Variants in PIK3R3 observed in about 807,000 individuals in gnomAD.
PIK3R3 encodes phosphatidylinositol 3-kinase regulatory subunit gamma.
A neutral mutation model predicts 62.9 loss-of-function variants in PIK3R3; 64 were observed. The observed-to-expected ratio is 1.02, with a 90% CI of 0.83 to 1.25. PIK3R3 has a LOEUF of 1.25. PIK3R3 is among the 50% of genes most tolerant of loss of function. PIK3R3 has a pLI of 0.00. For synonymous variants in PIK3R3, 165 were observed against 189.0 expected (o/e 0.87, Z 1.04); for missense variants, 614 against 561.6 (o/e 1.09, Z -0.94).
Position 46,046,005 on chromosome 1 carries a change from T to G in PIK3R3, c.1100A>C (p.Gln367Pro). The G allele has an allele frequency of 6.2e-7, 1 of 1,612,606 alleles. No homozygotes were observed. The highest frequency in any genetic ancestry group is 8.5e-7 in the Non-Finnish European group (1 of 1,178,710). The change falls in exon 9 of 10, where the codon CAA becomes CCA. Residue 367 changes from glutamine to proline, a missense_variant. Gln to Pro is a moderately conservative substitution (Grantham distance 76). Transcript: ENST00000262741. ...TTTCCCATAAAGCAAGTCCTCTGCT[T>G]GTACTCGATTGATATCCTCAACAAA... ...TWFVEDINRV[Q>P]AEDLLYGKPD...
At chr1:46,049,921 A>T (rs1175919345) in intron 7 of PIK3R3, among the ~76,000 whole-genome samples, 2 of 152,030 alleles carry the variant, frequency 1.3e-5, no homozygotes, top group African/African-American at 2.4e-5. Context: ...GGAGTTCGAG[A>T]CCAGGCTGGC....
At chr1:46,080,316 C>A (rs1650461166) in intron 2 of PIK3R3, among the ~76,000 whole-genome samples, 1 of 151,964 alleles carries the variant, frequency 6.6e-6, no homozygotes, top group East Asian at 1.9e-4. Context: ...CCCACCTCAG[C>A]CTCCCAAAGT....
chr1:46,132,432 G>C lies in PIK3R3; in HGVS notation c.-480C>G, dbSNP rs1206062006. On this transcript the variant is annotated 5_prime_UTR_variant, in exon 1 of 10. Coordinates refer to ENST00000262741, the MANE Select transcript of PIK3R3 (RefSeq NM_003629.4). ...GGCTGGAGATTGCGTTCAAGTTTCGGGGTCCCACTGGTCTGCAGAGAGCGA... is the reference window on the plus strand; with the variant it reads ...GGCTGGAGATTGCGTTCAAGTTTCGCGGTCCCACTGGTCTGCAGAGAGCGA... The C allele has an allele frequency of 8.7e-7, 1 of 1,148,294 alleles. No individual in the cohort carries two copies. The highest frequency in any genetic ancestry group is 1.1e-6 in the Non-Finnish European group (1 of 921,200). 71.1% of individuals were successfully genotyped at this position (1,148,294 alleles called of 1,614,324 possible).
At chr1:46,074,263 T>G (rs1482220289) in intron 3 of PIK3R3, among the ~76,000 whole-genome samples, 1 of 109,562 alleles carries the variant, frequency 9.1e-6, no homozygotes, top group Non-Finnish European at 1.7e-5. Flanking sequence ...CACTCCAGCC[T>G]GGGCGACAGA....
chr1:46,055,352 T>C (rs1233186731), intron 7 of PIK3R3, among the ~76,000 whole-genome samples: 2 of 152,098 alleles, frequency 1.3e-5, no homozygotes, highest in Non-Finnish European at 2.9e-5. Flanking sequence ...TCAGATGATC[T>C]GCCTACCTCG....
At chr1:46,157,568 T>A in the PIK3R3 span, among the ~76,000 whole-genome samples, 1 of 152,228 alleles carries the variant, frequency 6.6e-6, no homozygotes, top group Non-Finnish European at 1.5e-5. Context: ...CCTTTTGGAA[T>A]GATTATGTGG....
chr1:46,169,915 C>T, the PIK3R3 span, among the ~76,000 whole-genome samples: 1 of 152,094 alleles, frequency 6.6e-6, no homozygotes, highest in East Asian at 1.9e-4. Context: ...CAAATTTTGC[C>T]TCAAGATTGG....
At chr1:46,051,591 C>A (rs1427526925) in intron 7 of PIK3R3, among the ~76,000 whole-genome samples, 1 of 152,060 alleles carries the variant, frequency 6.6e-6, no homozygotes, top group Non-Finnish European at 1.5e-5. Context: ...TCTGCAAACT[C>A]CCCTATATAT....
rs560502052 is a variant in PIK3R3, at chr1:46,040,255, A to G, written c.*3418T>C. On this transcript the variant is annotated 3_prime_UTR_variant, in exon 10 of 10. Coordinates refer to ENST00000262741, the MANE Select transcript of PIK3R3 (RefSeq NM_003629.4). ...AGTATCTCCTCTCGCCTTTCCCCCT[A>G]CCCTCCCCAACAATTGCACAGCAAT... is the stretch of plus-strand genomic sequence containing the variant. 1 of 232,566 alleles carries G rather than the reference A, an allele frequency of 4.3e-6. No individual in the cohort carries two copies. Among genetic ancestry groups the G allele is most frequent in the Non-Finnish European group, 8.5e-6 (1 of 117,516 alleles). 14.4% of individuals were successfully genotyped at this position (232,566 alleles called of 1,614,324 possible).
chr1:46,173,858 T>C, the PIK3R3 span, among the ~76,000 whole-genome samples: 10 of 152,206 alleles, frequency 6.6e-5, no homozygotes, highest in African/African-American at 2.2e-4. Flanking sequence ...AGTGTGGGCA[T>C]GAGTGCATGC....
upstream of PIK3R3, among the ~76,000 whole-genome samples, chr1:46,135,792 G>A (rs892810299): frequency 3.9e-5 from 6 of 152,070 alleles, no homozygotes; most frequent in African/African-American, 1.4e-4. Context: ...AGCACTTTGG[G>A]AGGCTGAGGT....
chr1:46,118,775 CA>C (rs1654411647), intron 1 of PIK3R3, among the ~76,000 whole-genome samples: 1 of 152,004 alleles, frequency 6.6e-6, no homozygotes. Context: ...AGGCTGGTCT[CA>C]AACTCCTGAC....
intron 6 of PIK3R3, chr1:46,057,104 T>C (rs746927132): frequency 1.3e-5 from 2 of 152,220 alleles, no homozygotes; most frequent in Non-Finnish European, 2.9e-5. Flanking sequence ...TGGGGGCGGT[T>C]CCCCCATACT....
the PIK3R3 span, among the ~76,000 whole-genome samples, chr1:46,145,366 CT>C: frequency 8.4e-5 from 4 of 47,508 alleles, no homozygotes; most frequent in African/African-American, 2.9e-4. Flanking sequence ...GGCTGGATAA[CT>C]TTTTAAAAAA....
chr1:46,101,478 C>T (rs1652672959), intron 1 of PIK3R3, among the ~76,000 whole-genome samples: 1 of 152,158 alleles, frequency 6.6e-6, no homozygotes, highest in Admixed American at 6.5e-5. Flanking sequence ...GCACTCCAGC[C>T]TTGCAACACA....
At position 46,043,744 on chromosome 1, in the gene PIK3R3, G is replaced by C. The variant is rs201707892; in HGVS notation, c.1315C>G (p.Gln439Glu). 5.3e-5 allele frequency: 85 copies of C among 1,614,110 alleles called. No homozygotes were observed. Among genetic ancestry groups the C allele is most frequent in the Non-Finnish European group, 1.6e-5 (19 of 1,180,044 alleles). The change falls in exon 10 of 10, where the codon CAG (glutamine) becomes GAG (glutamate). Residue 439 changes from glutamine to glutamate, a missense_variant. Physicochemically the swap from Gln to Glu is conservative, Grantham distance 29. Transcript: ENST00000262741. ...VLHYQQTSLV[Q>E]HNDSLNVRLA... Reference sequence around the variant, plus strand: ...CTGACGTTGAGGGAGTCGTTGTGCTGAACCAAGGATGTCTGCTGGTAATGG... The same window carrying C: ...CTGACGTTGAGGGAGTCGTTGTGCTCAACCAAGGATGTCTGCTGGTAATGG...
rs762418058 is a variant in PIK3R3, at chr1:46,043,743, T to C, written c.1316A>G (p.Gln439Arg). 17 of 1,614,132 alleles carry C rather than the reference T, an allele frequency of 1.1e-5. No homozygotes were observed. Among genetic ancestry groups the C allele is most frequent in the African/African-American group, 1.3e-5 (1 of 74,952 alleles). ...CCTGACGTTGAGGGAGTCGTTGTGC[T>C]GAACCAAGGATGTCTGCTGGTAATG... ...VLHYQQTSLV[Q>R]HNDSLNVRLA... Residue 439 changes from glutamine to arginine, a missense_variant, in exon 10 of 10, where the codon CAG (glutamine) becomes CGG (arginine). Coordinates refer to ENST00000262741, the MANE Select transcript of PIK3R3 (RefSeq NM_003629.4).
chr1:46,167,257 C>A, the PIK3R3 span, among the ~76,000 whole-genome samples: 1 of 152,242 alleles, frequency 6.6e-6, no homozygotes, highest in Non-Finnish European at 1.5e-5. Flanking sequence ...TCACAGCAGC[C>A]GCGAGAAGGC....
At chr1:46,078,205 T>C (rs891106514) in intron 2 of PIK3R3, among the ~76,000 whole-genome samples, 1 of 152,168 alleles carries the variant, frequency 6.6e-6, no homozygotes, top group Admixed American at 6.5e-5. Context: ...AAAAAGACTT[T>C]TATTGTACAA....
Sources: gnomAD v4.1 joint callset for allele counts (sites outside exome capture counted in the v4.1 genomes callset) on GRCh38, gnomAD v4.1.1 for gene constraint, MANE v1.5 for transcripts, NCBI Gene and HGNC (gene_info 2026-07-23, HGNC 2026-07-21) for gene names.